MACROD2: variants seen among roughly 807,000 people sequenced by gnomAD.
MACROD2 encodes mono-ADP ribosylhydrolase 2, also known as ADP-ribose glycohydrolase MACROD2.
MACROD2 carries 36 observed loss-of-function variants against 70.4 expected under a neutral mutation model. The ratio of observed to expected loss-of-function variants is 0.51; its 90% CI spans 0.39 to 0.68. The LOEUF is 0.68. Among genes scored for constraint, MACROD2 ranks in the 30% least tolerant of loss-of-function variants. The probability of loss-of-function intolerance (pLI) is 0.00; values close to 1 mark genes in which losing one functional copy is unlikely to be tolerated. For synonymous variants in MACROD2, 172 were observed against 178.8 expected (o/e 0.96, Z 0.30); for missense variants, 496 against 538.4 (o/e 0.92, Z 0.78).
intron 3 of MACROD2, among the ~76,000 whole-genome samples, chr20:14,117,493 G>A (rs561946407): frequency 2.9e-4 from 44 of 152,116 alleles, no homozygotes; most frequent in Non-Finnish European, 6.0e-4. Flanking sequence ...AAGTATATTG[G>A]TAGGCAGGTA....
chr20:15,766,078 T>C (rs1277175067), intron 8 of MACROD2, among the ~76,000 whole-genome samples: 2 of 152,208 alleles, frequency 1.3e-5, no homozygotes, highest in African/African-American at 4.8e-5. Context: ...ATGTTTTTTA[T>C]TTGTTTTTTC....
chr20:14,974,704 T>C (rs1184700276), intron 5 of MACROD2, among the ~76,000 whole-genome samples: 1 of 152,116 alleles, frequency 6.6e-6, no homozygotes, highest in African/African-American at 2.4e-5. Context: ...GCAAAGGGAA[T>C]ACATACCTTG....
chr20:15,306,984 T>C (rs1465845550), intron 6 of MACROD2, among the ~76,000 whole-genome samples: 1 of 152,110 alleles, frequency 6.6e-6, no homozygotes, highest in Admixed American at 6.6e-5. Flanking sequence ...GGAGCAGGCA[T>C]GTCACATCGT....
intron 6 of MACROD2, among the ~76,000 whole-genome samples, chr20:15,286,547 G>A (rs776722923): frequency 6.7e-6 from 1 of 149,628 alleles, no homozygotes; most frequent in African/African-American, 2.5e-5. Flanking sequence ...AATAAACAAA[G>A]GGATAAAGAT....
At chr20:14,501,707 T>C (rs966915301) in intron 4 of MACROD2, among the ~76,000 whole-genome samples, 1 of 152,096 alleles carries the variant, frequency 6.6e-6, no homozygotes, top group African/African-American at 2.4e-5. Flanking sequence ...CAAATCATGC[T>C]CAAAGATAGG....
chr20:15,169,366 C>T (rs1316379382), intron 5 of MACROD2, among the ~76,000 whole-genome samples: 1 of 152,134 alleles, frequency 6.6e-6, no homozygotes, highest in Non-Finnish European at 1.5e-5. Flanking sequence ...AAGTGCAATA[C>T]TTTTCAGTAA....
chr20:15,755,387 A>G (rs545721742), intron 8 of MACROD2, among the ~76,000 whole-genome samples: 3 of 152,310 alleles, frequency 2.0e-5, no homozygotes, highest in Non-Finnish European at 4.4e-5. Context: ...ATGTAATCCA[A>G]CATTGGAGAG....
At chr20:15,531,699 C>T (rs2047803886) in intron 8 of MACROD2, among the ~76,000 whole-genome samples, 1 of 152,116 alleles carries the variant, frequency 6.6e-6, no homozygotes, top group Non-Finnish European at 1.5e-5. Flanking sequence ...CCAGTGCAAT[C>T]GTTTTTGTTA....
At chr20:15,914,348 AGTT>A (rs1426046167) in intron 10 of MACROD2, among the ~76,000 whole-genome samples, 1 of 152,198 alleles carries the variant, frequency 6.6e-6, no homozygotes, top group Non-Finnish European at 1.5e-5. Context: ...GAATTTGTTA[AGTT>A]GTTTTCCGAA....
At chr20:16,035,102 ATT>A (rs2067208543) in intron 15 of MACROD2, among the ~76,000 whole-genome samples, 4 of 6,230 alleles carry the variant, frequency 6.4e-4, no homozygotes, top group Non-Finnish European at 2.0e-3. Context: ...AATATTATAT[ATT>A]ATATATAAAA....
chr20:15,586,297 T>C (rs2048600889), intron 8 of MACROD2, among the ~76,000 whole-genome samples: 1 of 152,188 alleles, frequency 6.6e-6, no homozygotes, highest in African/African-American at 2.4e-5. Flanking sequence ...GCATTTCTAG[T>C]GGGTTCCCAA....
At chr20:14,962,480 A>AT (rs2074592498) in intron 5 of MACROD2, among the ~76,000 whole-genome samples, 1 of 149,140 alleles carries the variant, frequency 6.7e-6, no homozygotes. Flanking sequence ...ATATATAGTT[A>AT]TGTTTGTTTT....
At chr20:14,052,496 C>T (rs1025366176) in intron 2 of MACROD2, among the ~76,000 whole-genome samples, 2 of 152,062 alleles carry the variant, frequency 1.3e-5, no homozygotes, top group African/African-American at 4.8e-5. Flanking sequence ...GGCTATTTAA[C>T]CATTTCACAC....
At chr20:14,263,352 CA>C (rs1057498320) in intron 3 of MACROD2, among the ~76,000 whole-genome samples, 2 of 151,912 alleles carry the variant, frequency 1.3e-5, no homozygotes, top group Non-Finnish European at 2.9e-5. Flanking sequence ...GCTGGAGGGA[CA>C]AAAAAGGAGG....
intron 3 of MACROD2, among the ~76,000 whole-genome samples, chr20:14,196,799 A>G (rs1182962519): frequency 2.0e-5 from 3 of 152,202 alleles, no homozygotes. Context: ...TTCAGAAAAT[A>G]TGGTTGCTGA....
chr20:14,275,212 G>A (rs1394089893), intron 3 of MACROD2, among the ~76,000 whole-genome samples: 2 of 152,152 alleles, frequency 1.3e-5, no homozygotes, highest in African/African-American at 2.4e-5. Flanking sequence ...GAGGCATCAT[G>A]CTACCTGACT....
chr20:14,237,235 A>G (rs2081883741), intron 3 of MACROD2, among the ~76,000 whole-genome samples: 1 of 152,082 alleles, frequency 6.6e-6, no homozygotes, highest in Admixed American at 6.5e-5. Flanking sequence ...CATTACAATT[A>G]TGAATACCTG....
At chr20:14,387,692 T>TC (rs1568589366) in intron 3 of MACROD2, among the ~76,000 whole-genome samples, 2 of 152,212 alleles carry the variant, frequency 1.3e-5, no homozygotes, top group Admixed American at 1.3e-4. Context: ...TGGTCTTATC[T>TC]CCCTATGGCT....
At chr20:14,761,191 A>G (rs545439519) in intron 5 of MACROD2, among the ~76,000 whole-genome samples, 7 of 152,192 alleles carry the variant, frequency 4.6e-5, no homozygotes, top group African/African-American at 9.6e-5. Flanking sequence ...CATCTTTGAC[A>G]TATAGATATT....
Sources: allele counts gnomAD v4.1 joint callset (sites outside exome capture counted in the v4.1 genomes callset), GRCh38; gene constraint gnomAD v4.1.1; transcripts MANE v1.5; gene names NCBI Gene and HGNC (gene_info 2026-07-23, HGNC 2026-07-21).